The following CPN2 variants were observed in gnomAD, a reference collection of about 807,000 sequenced individuals.
CPN2 encodes the protein carboxypeptidase N subunit 2.
For synonymous variants in CPN2, 336 were observed against 318.4 expected, an observed-to-expected ratio of 1.06 and a Z score of -0.59; for missense variants, 620 against 671.4, an observed-to-expected ratio of 0.92 and a Z score of 0.85.
Position 194,341,556 on chromosome 3 carries a change from T to C in CPN2, c.1147A>G (p.Thr383Ala), listed in dbSNP as rs770663297. 1 of 1,613,992 alleles carries C rather than the reference T, an allele frequency of 6.2e-7. No individual in the cohort carries two copies. The highest frequency in any genetic ancestry group is 8.5e-7 in the Non-Finnish European group (1 of 1,180,018). ...LTTLPEGIFD[T>A]NYNLFNLALH... ...GCCAGGTTGAACAGGTTGTAGTTGG[T>C]GTCGAAGATGCCCTCCGGAAGTGTG... The change falls in exon 2 of 2, where the codon ACC (threonine) becomes GCC (alanine). Residue 383 changes from threonine to alanine, a missense_variant. Thr to Ala is a moderately conservative substitution (Grantham distance 58, BLOSUM62 0). Coordinates refer to ENST00000323830, the MANE Select transcript of CPN2 (RefSeq NM_001080513.4).
At chr3:194,346,264 C>T (rs979849214) in intron 1 of CPN2, among the ~76,000 whole-genome samples, 1 of 152,186 alleles carries the variant, frequency 6.6e-6, no homozygotes, top group Non-Finnish European at 1.5e-5. Flanking sequence ...AGGCAGCCCA[C>T]GGAGGCCGGG....
chr3:194,344,603 G>A (rs1487998041), intron 1 of CPN2, among the ~76,000 whole-genome samples: 15 of 152,236 alleles, frequency 9.9e-5, no homozygotes, highest in Admixed American at 2.0e-4. Flanking sequence ...GCTGAGGCAG[G>A]AGAATCGCTT....
intron 1 of CPN2, among the ~76,000 whole-genome samples, chr3:194,347,713 C>T (rs1365595032): frequency 7.6e-6 from 1 of 132,058 alleles, no homozygotes; most frequent in African/African-American, 3.1e-5. Context: ...TTCAGCCCAC[C>T]CCATCTGCTG....
At chr3:194,345,621 C>T (rs1252036892) in intron 1 of CPN2, among the ~76,000 whole-genome samples, 1 of 152,246 alleles carries the variant, frequency 6.6e-6, no homozygotes, top group Non-Finnish European at 1.5e-5. Context: ...CCAGACAACG[C>T]TGGGGCCTGT....
Position 194,340,774 on chromosome 3 carries a change from A to G in CPN2, c.*291T>C. 2.6e-6 allele frequency: 1 copy of G among 387,692 alleles called. No homozygotes were observed. Among genetic ancestry groups the G allele is most frequent in the South Asian group, 6.1e-5 (1 of 16,412 alleles). 24.0% of individuals were successfully genotyped at this position (387,692 alleles called of 1,614,324 possible). A position where few individuals can be genotyped will look rare whatever the true frequency, so the allele number is the denominator to read the frequency against. On this transcript the variant is annotated 3_prime_UTR_variant, in exon 2 of 2. Transcript: ENST00000323830. ...GGGTGTTACATAATGGGGAGGCATCAGGGCTGAGGATATTTTATTCTCCAG... is the reference window on the plus strand; with the variant it reads ...GGGTGTTACATAATGGGGAGGCATCGGGGCTGAGGATATTTTATTCTCCAG...
chr3:194,343,921 A>T (rs2108648135), intron 1 of CPN2, among the ~76,000 whole-genome samples: 1 of 152,340 alleles, frequency 6.6e-6, no homozygotes, highest in Admixed American at 6.5e-5. Context: ...AAATAAAAAC[A>T]AAATGCTCTT....
intron 1 of CPN2, among the ~76,000 whole-genome samples, chr3:194,346,271 C>T (rs1221812249): frequency 2.6e-5 from 4 of 152,184 alleles, no homozygotes; most frequent in East Asian, 1.9e-4. Context: ...CCACGGAGGC[C>T]GGGGTCCTGG....
Position 194,342,052 on chromosome 3 carries a change from G to A in CPN2, c.651C>T (p.Gly217=), listed in dbSNP as rs1313120037. 6.2e-7 allele frequency: 1 copy of A among 1,614,066 alleles called. No homozygotes were observed. Among genetic ancestry groups the A allele is most frequent in the African/African-American group, 1.3e-5 (1 of 74,918 alleles). ...GLPQGVFGKL[G]SLQELFLDSN... is the part of the protein sequence containing the mutation. ...TGTCCAGGAAGAGCTCCTGCAGGCT[G>A]CCCAGTTTGCCAAACACACCCTGGG... The change falls in exon 2 of 2, where the codon GGC becomes GGT. Residue 217 remains glycine (G), a synonymous_variant. Transcript: ENST00000323830.
At position 194,341,317 on chromosome 3, in the gene CPN2, G is replaced by A. The variant is rs1712806588; in HGVS notation, c.1386C>T (p.Ser462=). Residue 462 remains serine, a synonymous_variant, in exon 2 of 2, where the codon AGC becomes AGT. Transcript: ENST00000323830. ...LGFQVTWPDE[S]KAGGSWDLAV... is the part of the protein sequence containing the mutation. ...CCAGATCCCAGCTGCCCCCTGCCTTGCTTTCGTCCGGCCACGTGACCTGGA... is the reference window on the plus strand; with the variant it reads ...CCAGATCCCAGCTGCCCCCTGCCTTACTTTCGTCCGGCCACGTGACCTGGA... 6.2e-7 allele frequency: 1 copy of A among 1,613,674 alleles called. No homozygotes were observed.
At chr3:194,344,588 G>C (rs530504305) in intron 1 of CPN2, among the ~76,000 whole-genome samples, 1 of 152,184 alleles carries the variant, frequency 6.6e-6, no homozygotes, top group African/African-American at 2.4e-5. Context: ...CCAGCTACTC[G>C]GGAGGCTGAG....
rs774158800 is a variant in CPN2 at position 194,342,328 on chromosome 3, C to T, written c.375G>A (p.Lys125=). Residue 125 remains lysine (K), a synonymous_variant, in exon 2 of 2, where the codon AAG becomes AAA. Transcript: ENST00000323830. ...CCAGCATGTTGAAGTTGAGGGTGAGCTTGCCCAGCGAGGTCAGGTTGGAGA... is the reference window on the plus strand; with the variant it reads ...CCAGCATGTTGAAGTTGAGGGTGAGTTTGCCCAGCGAGGTCAGGTTGGAGA... ...NIFSNLTSLG[K]LTLNFNMLEA... 2 of 1,614,000 alleles carry T rather than the reference C, an allele frequency of 1.2e-6. No homozygotes were observed. Among genetic ancestry groups the T allele is most frequent in the Non-Finnish European group, 1.7e-6 (2 of 1,179,992 alleles).
At chr3:194,347,639 C>T (rs572667877) in intron 1 of CPN2, among the ~76,000 whole-genome samples, 90,158 of 134,040 alleles carry the variant, frequency 0.67, 30,641 homozygotes, top group East Asian at 0.81. Context: ...GCCCACCCCA[C>T]CCTCTGCCCA....
At chr3:194,351,148 C>A (rs910754022) in intron 1 of CPN2, 94 bp downstream of exon 1, 1 of 152,296 alleles carries the variant, frequency 6.6e-6, no homozygotes. Flanking sequence ...CCTGGAGCTG[C>A]GGAATGCTCT....
Position 194,341,417 on chromosome 3 carries a change from T to C in CPN2, c.1286A>G (p.Tyr429Cys). 6.2e-7 allele frequency: 1 copy of C among 1,614,100 alleles called. No individual in the cohort carries two copies. Among genetic ancestry groups the C allele is most frequent in the Non-Finnish European group, 8.5e-7 (1 of 1,180,012 alleles). The change falls in exon 2 of 2, where the codon TAC becomes TGC. Residue 429 changes from tyrosine (Y) to cysteine (C), a missense_variant. Physicochemically the swap from Tyr to Cys is radical, Grantham distance 194. Coordinates refer to ENST00000323830, the MANE Select transcript of CPN2 (RefSeq NM_001080513.4). ...NIQTYCAGPA[Y>C]LKGQVVPALN... is the part of the protein sequence containing the mutation. ...GGCGGGCACCACCTGGCCTTTGAGG[T>C]AGGCAGGGCCAGCGCAGTAGGTCTG...
Position 194,340,901 on chromosome 3 carries a change from T to A in CPN2, c.*164A>T. On this transcript the variant is annotated 3_prime_UTR_variant, in exon 2 of 2. Coordinates refer to ENST00000323830, the MANE Select transcript of CPN2 (RefSeq NM_001080513.4). ...ATGAAGGAAGAGGAGGAGGAGACCC[T>A]GGTTAGTGGAGCAGACCAGACTCCA... is the stretch of plus-strand genomic sequence containing the variant. The A allele has an allele frequency of 9.2e-7, 1 of 1,086,984 alleles. No homozygotes were observed. The allele number at this position is 1,086,984 out of a possible 1,614,324, so 67.3% of individuals were successfully genotyped here. A position where few individuals can be genotyped will look rare whatever the true frequency, so the allele number is the denominator to read the frequency against.
Position 194,350,130 on chromosome 3 carries a change from A to T in CPN2, c.-4+1112T>A, listed in dbSNP as rs1972455. 4.0e-5 allele frequency among the ~76,000 whole-genome samples: 6 copies of T among 151,812 alleles called. No individual in the cohort carries two copies. In the East Asian group the frequency reaches 1.2e-3, roughly 29 times the overall value. ...TCTTGGGTCCTCGGATCCCTCTTGT[A>T]CTGTGTTGAATGTTTGGGCTCTTCC... On this transcript the variant is annotated intron_variant, in intron 1 of 1. Transcript: ENST00000323830.
intron 1 of CPN2, among the ~76,000 whole-genome samples, chr3:194,345,269 A>C (rs1713004345): frequency 1.3e-5 from 2 of 152,210 alleles, no homozygotes; most frequent in Non-Finnish European, 2.9e-5. Context: ...AATGACCCCC[A>C]GCCAGGCTGC....
chr3:194,342,858 C>T (rs879614818), intron 1 of CPN2, among the ~76,000 whole-genome samples, 153 bp from the exon 2 acceptor site: 1 of 152,106 alleles, frequency 6.6e-6, no homozygotes, highest in Non-Finnish European at 1.5e-5. Context: ...GGCTTTGGGG[C>T]TTTCTGTATT....
chr3:194,348,568 G>A (rs1450326402), intron 1 of CPN2, among the ~76,000 whole-genome samples: 2 of 152,220 alleles, frequency 1.3e-5, no homozygotes, highest in African/African-American at 4.8e-5. Context: ...CTACTCGGAT[G>A]TAATGGAAAC....
Sources: gnomAD v4.1 joint callset for allele counts (sites outside exome capture counted in the v4.1 genomes callset) on GRCh38, gnomAD v4.1.1 for gene constraint, MANE v1.5 for transcripts, NCBI Gene and HGNC (gene_info 2026-07-23, HGNC 2026-07-21) for gene names.